The following NRXN3 variants were observed in gnomAD, a reference collection of about 807,000 sequenced individuals.
The protein encoded by NRXN3 is neurexin 3.
In NRXN3, 32 loss-of-function variants were observed where a neutral mutation model predicts 137.6. The observed-to-expected ratio is 0.23, with a 90% CI of 0.18 to 0.31. The LOEUF (loss-of-function observed/expected upper bound fraction) is 0.31. Among genes scored for constraint, NRXN3 ranks in the 10% least tolerant of loss-of-function variants. NRXN3 has a pLI of 1.00. For synonymous variants in NRXN3, 798 were observed against 784.5 expected (o/e 1.02, Z -0.29); for missense variants, 1,574 against 2,062.5 (o/e 0.76, Z 4.59).
intron 15 of NRXN3, among the ~76,000 whole-genome samples, chr14:79,106,069 C>G (rs529717181): frequency 2.6e-5 from 4 of 152,176 alleles, no homozygotes; most frequent in Non-Finnish European, 4.4e-5. Flanking sequence ...AGACTGTTCT[C>G]TATAGTTTTA....
chr14:78,827,393 A>G (rs1339324369), intron 10 of NRXN3, among the ~76,000 whole-genome samples: 1 of 152,140 alleles, frequency 6.6e-6, no homozygotes, highest in African/African-American at 2.4e-5. Flanking sequence ...TTCCTAACAT[A>G]TGGACGCATA....
At chr14:79,611,809 G>A (rs1336322997) in intron 16 of NRXN3, 1 of 152,318 alleles carries the variant, frequency 6.6e-6, no homozygotes, top group African/African-American at 2.4e-5. Context: ...GTGTGAGATT[G>A]GGAAAGTTGC....
chr14:78,780,659 AG>A (rs1440028779), intron 8 of NRXN3, among the ~76,000 whole-genome samples: 2 of 152,220 alleles, frequency 1.3e-5, no homozygotes, highest in Non-Finnish European at 2.9e-5. Context: ...AGCAAATGAC[AG>A]ATGCCAAAAC....
chr14:78,225,984 T>TGTTG (rs1555412905), intron 1 of NRXN3, among the ~76,000 whole-genome samples: 143 of 135,248 alleles, frequency 1.1e-3, no homozygotes, highest in African/African-American at 3.8e-3. Context: ...GGTGTGTGTG[T>TGTTG]GTGTGTGTGT....
chr14:78,633,709 T>C (rs546927904), intron 4 of NRXN3, among the ~76,000 whole-genome samples: 2 of 152,352 alleles, frequency 1.3e-5, no homozygotes, highest in African/African-American at 4.8e-5. Context: ...TGGCAAATTT[T>C]CCCAGTCTGT....
intron 15 of NRXN3, among the ~76,000 whole-genome samples, chr14:79,171,272 T>C (rs2061751279): frequency 6.6e-6 from 1 of 152,164 alleles, no homozygotes; most frequent in Admixed American, 6.6e-5. Flanking sequence ...TTGCTCTTCC[T>C]CTGTCTTCCG....
At chr14:78,811,710 T>C (rs947833747) in intron 10 of NRXN3, among the ~76,000 whole-genome samples, 3 of 152,176 alleles carry the variant, frequency 2.0e-5, no homozygotes, top group African/African-American at 7.2e-5. Flanking sequence ...AGATATATTA[T>C]AGGCATGACA....
chr14:78,927,402 A>T (rs1283862257), intron 10 of NRXN3, among the ~76,000 whole-genome samples: 1 of 152,004 alleles, frequency 6.6e-6, no homozygotes, highest in East Asian at 1.9e-4. Flanking sequence ...AAAGGAGGGA[A>T]TGTTTTTCCT....
intron 1 of NRXN3, among the ~76,000 whole-genome samples, chr14:78,227,764 C>A (rs1238858141): frequency 6.6e-6 from 1 of 152,190 alleles, no homozygotes; most frequent in African/African-American, 2.4e-5. Context: ...GGAGCTAAGA[C>A]TTGGACTTAA....
chr14:79,656,474 G>C (rs1323909865), intron 16 of NRXN3, among the ~76,000 whole-genome samples: 1 of 152,204 alleles, frequency 6.6e-6, no homozygotes, highest in Admixed American at 6.5e-5. Context: ...CAGGATGCCA[G>C]TTGTGACTGG....
chr14:79,093,198 T>C (rs2049540929), intron 15 of NRXN3, among the ~76,000 whole-genome samples: 1 of 152,158 alleles, frequency 6.6e-6, no homozygotes, highest in South Asian at 2.1e-4. Context: ...TGTAGAAGCT[T>C]CTGTGTCAGA....
chr14:79,489,275 G>C (rs1395854984), intron 16 of NRXN3, among the ~76,000 whole-genome samples: 1 of 152,000 alleles, frequency 6.6e-6, no homozygotes, highest in African/African-American at 2.4e-5. Context: ...GTGCTTTCAT[G>C]GCTCATATTT....
chr14:79,726,713 A>G (rs2098891854), intron 19 of NRXN3, among the ~76,000 whole-genome samples: 1 of 152,190 alleles, frequency 6.6e-6, no homozygotes. Flanking sequence ...AGCTTACAAA[A>G]TATGCTGAAA....
intron 4 of NRXN3, among the ~76,000 whole-genome samples, chr14:78,397,699 G>T (rs1194608384): frequency 6.6e-6 from 1 of 151,682 alleles, no homozygotes; most frequent in Non-Finnish European, 1.5e-5. Flanking sequence ...TACCTCCCGG[G>T]TTCAAGTGAT....
At chr14:78,254,646 C>A (rs1008389324) in intron 2 of NRXN3, among the ~76,000 whole-genome samples, 1 of 150,290 alleles carries the variant, frequency 6.7e-6, no homozygotes. Context: ...CCACTGCACT[C>A]CAGCCTGGGT....
At chr14:78,565,846 T>G (rs370108635) in intron 4 of NRXN3, among the ~76,000 whole-genome samples, 1 of 152,140 alleles carries the variant, frequency 6.6e-6, no homozygotes, top group African/African-American at 2.4e-5. Flanking sequence ...CTCAGATAGA[T>G]GAAAGCTGGA....
chr14:79,057,082 G>A (rs988362586), intron 15 of NRXN3, among the ~76,000 whole-genome samples: 9 of 152,206 alleles, frequency 5.9e-5, no homozygotes, highest in African/African-American at 1.7e-4. Flanking sequence ...TAGACCACTG[G>A]AATGTATACA....
chr14:79,545,424 G>A (rs1340522227), intron 16 of NRXN3, among the ~76,000 whole-genome samples: 1 of 151,964 alleles, frequency 6.6e-6, no homozygotes, highest in Non-Finnish European at 1.5e-5. Flanking sequence ...CTTCCTCGAG[G>A]GGCTGTCTCT....
At chr14:78,399,081 CT>C (rs913072114) in intron 4 of NRXN3, among the ~76,000 whole-genome samples, 1 of 152,110 alleles carries the variant, frequency 6.6e-6, no homozygotes, top group Non-Finnish European at 1.5e-5. Context: ...TTCTATGGGG[CT>C]TTTTGTCACA....
Sources: allele counts gnomAD v4.1 joint callset (sites outside exome capture counted in the v4.1 genomes callset), GRCh38; gene constraint gnomAD v4.1.1; transcripts MANE v1.5; gene names NCBI Gene and HGNC (gene_info 2026-07-23, HGNC 2026-07-21).